Variants in TBL1XR1 observed in about 807,000 individuals in gnomAD.
TBL1XR1 encodes TBL1X/Y related 1.
TBL1XR1 carries 5 observed loss-of-function variants against 66.9 expected under a neutral mutation model. The observed-to-expected ratio is 0.07, with a 90% CI of 0.04 to 0.16. The LOEUF is 0.16. Ranked by LOEUF, TBL1XR1 falls within the 10% of genes least tolerant of loss-of-function variation. TBL1XR1 has a pLI of 1.00. For missense variants in TBL1XR1, 238 were observed against 623.2 expected, an observed-to-expected ratio of 0.38 and a Z score of 6.58; for synonymous variants, 210 against 206.0, an observed-to-expected ratio of 1.02 and a Z score of -0.17.
intron 2 of TBL1XR1, among the ~76,000 whole-genome samples, chr3:177,082,205 G>A (rs1373065182): frequency 6.6e-6 from 1 of 151,924 alleles, no homozygotes; most frequent in Non-Finnish European, 1.5e-5. Context: ...TATACAAATG[G>A]TGATTTAAAC....
chr3:177,083,770 TTTTTG>T (rs1247478285), intron 2 of TBL1XR1, among the ~76,000 whole-genome samples: 2 of 147,320 alleles, frequency 1.4e-5, no homozygotes, highest in African/African-American at 5.3e-5. Context: ...TAATGGTTTT[TTTTTG>T]TTTTTGTTTT....
At chr3:177,094,327 G>C (rs1472741108) in intron 2 of TBL1XR1, among the ~76,000 whole-genome samples, 1 of 152,170 alleles carries the variant, frequency 6.6e-6, no homozygotes, top group African/African-American at 2.4e-5. Flanking sequence ...AAAAATAATA[G>C]ATGTTGGTGT....
In TBL1XR1 at chr3:177,113,362, A is replaced by C. The variant is rs555164906; in HGVS notation, c.-121-14821T>G. Among the ~76,000 whole-genome samples, 29 of 152,302 alleles carry C rather than the reference A, an allele frequency of 1.9e-4. No individual in the cohort carries two copies. In the East Asian group the frequency reaches 5.2e-3, roughly 27 times the overall value. On this transcript the variant is annotated intron_variant, in intron 1 of 15. Transcript: ENST00000457928. ...AAAAAGTACAAGCAACGAAAGCAAA[A>C]ATAGACAAATGGGATTACATAAAAC...
At chr3:177,178,816 T>C (rs893885922) in intron 1 of TBL1XR1, among the ~76,000 whole-genome samples, 16 of 152,062 alleles carry the variant, frequency 1.1e-4, no homozygotes, top group African/African-American at 3.6e-4. Context: ...TGGTTTCTTT[T>C]CTTTTATAAC....
intron 1 of TBL1XR1, among the ~76,000 whole-genome samples, chr3:177,103,711 T>C (rs1253663705): frequency 6.6e-6 from 1 of 152,330 alleles, no homozygotes; most frequent in Non-Finnish European, 1.5e-5. Flanking sequence ...TAAAAACTTA[T>C]TATTTAAGGT....
intron 1 of TBL1XR1, among the ~76,000 whole-genome samples, chr3:177,108,203 A>G (rs1171911826): frequency 6.6e-6 from 1 of 152,172 alleles, no homozygotes; most frequent in Non-Finnish European, 1.5e-5. Flanking sequence ...AAAAACACTT[A>G]CTATTTAAAC....
chr3:177,049,972 C>A, intron 7 of TBL1XR1, 25 bp downstream of exon 7: 1 of 1,610,392 alleles, frequency 6.2e-7, no homozygotes, highest in Non-Finnish European at 8.5e-7. Flanking sequence ...GTAATTATAT[C>A]CATCATGGAT....
intron 1 of TBL1XR1, among the ~76,000 whole-genome samples, chr3:177,140,059 T>C (rs572292113): frequency 6.6e-5 from 10 of 152,184 alleles, no homozygotes; most frequent in African/African-American, 2.4e-4. Flanking sequence ...TCCCAGCACT[T>C]TGGGAGGCCA....
chr3:177,100,140 G>A (rs1193005936), intron 1 of TBL1XR1, among the ~76,000 whole-genome samples: 1 of 152,086 alleles, frequency 6.6e-6, no homozygotes, highest in Non-Finnish European at 1.5e-5. Flanking sequence ...TCGGGAGCCT[G>A]GGGCACGAGG....
At chr3:177,083,591 A>G (rs1721718737) in intron 2 of TBL1XR1, among the ~76,000 whole-genome samples, 1 of 152,196 alleles carries the variant, frequency 6.6e-6, no homozygotes, top group Admixed American at 6.5e-5. Flanking sequence ...ATTTTATCTT[A>G]ACATTTTACT....
intron 7 of TBL1XR1, among the ~76,000 whole-genome samples, chr3:177,049,697 C>A (rs1716791486): frequency 6.6e-6 from 1 of 152,036 alleles, no homozygotes; most frequent in African/African-American, 2.4e-5. Flanking sequence ...TATTTAGGTA[C>A]CATTTTCACA....
At chr3:177,090,476 T>A (rs1722684560) in intron 2 of TBL1XR1, among the ~76,000 whole-genome samples, 1 of 144,800 alleles carries the variant, frequency 6.9e-6, no homozygotes, top group Non-Finnish European at 1.5e-5. Context: ...GCCCAGGAGT[T>A]CAAGACCAGC....
intron 12 of TBL1XR1, 137 bp downstream of exon 12, chr3:177,037,961 A>G (rs1715051772): frequency 1.5e-6 from 1 of 648,280 alleles, no homozygotes; most frequent in African/African-American, 1.8e-5. Flanking sequence ...AACAATGGTT[A>G]GCCATTTAAA....
chr3:177,075,242 T>C (rs1361785195), intron 2 of TBL1XR1, among the ~76,000 whole-genome samples: 4 of 152,228 alleles, frequency 2.6e-5, no homozygotes, highest in African/African-American at 9.6e-5. Context: ...AGTCTCTGCC[T>C]CCATTTTCAC....
At chr3:177,114,872 G>C (rs1020936683) in intron 1 of TBL1XR1, among the ~76,000 whole-genome samples, 4 of 151,906 alleles carry the variant, frequency 2.6e-5, no homozygotes, top group African/African-American at 7.3e-5. Context: ...CCAGCTACTT[G>C]GGAGGCTGAG....
At chr3:177,167,938 C>CA (rs904594244) in intron 1 of TBL1XR1, among the ~76,000 whole-genome samples, 5 of 141,080 alleles carry the variant, frequency 3.5e-5, no homozygotes, top group Non-Finnish European at 6.0e-5. Flanking sequence ...AAAAAAACAA[C>CA]AAAAAAAATA....
chr3:177,193,292 G>A (rs188039865), intron 1 of TBL1XR1, among the ~76,000 whole-genome samples: 1 of 152,186 alleles, frequency 6.6e-6, no homozygotes, highest in Non-Finnish European at 1.5e-5. Context: ...AGACTTCAAT[G>A]ATTTTTCTTA....
At chr3:177,083,827 C>A (rs1008881838) in intron 2 of TBL1XR1, among the ~76,000 whole-genome samples, 1 of 151,742 alleles carries the variant, frequency 6.6e-6, no homozygotes. Flanking sequence ...TGGTGGCTCA[C>A]GCCTGTAATC....
chr3:177,050,162 T>G (rs993617964), intron 6 of TBL1XR1, 24 bp from the exon 7 acceptor site: 1 of 1,609,726 alleles, frequency 6.2e-7, no homozygotes, highest in Non-Finnish European at 8.5e-7. Flanking sequence ...CAATATATTT[T>G]AGATCCTCAT....
Sources: gnomAD v4.1 joint callset for allele counts (sites outside exome capture counted in the v4.1 genomes callset) on GRCh38, gnomAD v4.1.1 for gene constraint, MANE v1.5 for transcripts, NCBI Gene and HGNC (gene_info 2026-07-23, HGNC 2026-07-21) for gene names.